The following MAGI2 variants were observed in gnomAD, a reference collection of about 807,000 sequenced individuals.
MAGI2 encodes membrane-associated guanylate kinase, WW and PDZ domain-containing protein 2.
A neutral mutation model predicts 133.3 loss-of-function variants in MAGI2; 35 were observed. The observed-to-expected ratio is 0.26, with a 90% CI of 0.20 to 0.35. The LOEUF is 0.35. MAGI2 is among the 10% of genes least tolerant of loss of function. The pLI, the probability that MAGI2 is intolerant of heterozygous loss-of-function variation, is 1.00. For missense variants in MAGI2, 1,636 were observed against 1,863.4 expected (o/e 0.88, Z 2.25); for synonymous variants, 729 against 710.6 (o/e 1.03, Z -0.41).
intron 1 of MAGI2, among the ~76,000 whole-genome samples, chr7:79,387,707 T>C (rs1202462521): frequency 6.6e-6 from 1 of 152,062 alleles, no homozygotes; most frequent in Non-Finnish European, 1.5e-5. Flanking sequence ...CTCACCTATA[T>C]AAGCATTTAA....
intron 21 of MAGI2, among the ~76,000 whole-genome samples, chr7:78,045,152 C>T (rs562207930): frequency 1.9e-4 from 29 of 151,876 alleles, no homozygotes; most frequent in Non-Finnish European, 2.8e-4. Context: ...GGCGATAGAG[C>T]GAGACTTGGT....
chr7:78,602,567 A>G (rs1805320303), intron 3 of MAGI2, among the ~76,000 whole-genome samples: 1 of 152,192 alleles, frequency 6.6e-6, no homozygotes, highest in Non-Finnish European at 1.5e-5. Context: ...TGAGGTAGAA[A>G]TGCTATGTTC....
chr7:78,404,436 A>T (rs997048130), intron 6 of MAGI2, among the ~76,000 whole-genome samples: 31 of 152,168 alleles, frequency 2.0e-4, no homozygotes, highest in Non-Finnish European at 4.1e-4. Flanking sequence ...AGGCAACAGT[A>T]ACCAAAACAG....
chr7:78,138,108 T>C (rs975943732), intron 16 of MAGI2, among the ~76,000 whole-genome samples: 1 of 152,228 alleles, frequency 6.6e-6, no homozygotes, highest in Non-Finnish European at 1.5e-5. Context: ...TCAGATTTCA[T>C]AGCCTTTGCT....
At chr7:78,483,364 C>T (rs1490473038) in intron 6 of MAGI2, among the ~76,000 whole-genome samples, 1 of 151,746 alleles carries the variant, frequency 6.6e-6, no homozygotes, top group Non-Finnish European at 1.5e-5. Context: ...AACTAAGAAA[C>T]AAAGTAGGAC....
intron 1 of MAGI2, among the ~76,000 whole-genome samples, chr7:79,446,193 C>T (rs1264304274): frequency 6.6e-6 from 1 of 152,114 alleles, no homozygotes; most frequent in Non-Finnish European, 1.5e-5. Flanking sequence ...GGAGGGATAG[C>T]ATTAGCAGAT....
In MAGI2 at chr7:78,160,176, G is replaced by A. The variant is rs138451678; in HGVS notation, c.2694C>T (p.His898=). Residue 898 remains histidine, a synonymous_variant, in exon 16 of 22, where the codon CAC becomes CAT. Transcript: ENST00000354212. ...SDYATYTNSN[H]AAPSSNASPP... Reference sequence around the variant, plus strand: ...GAGAGGCATTGCTACTGGGGGCAGCGTGGTTGCTGTTGGTGTAGGTTGCGT... The same window carrying A: ...GAGAGGCATTGCTACTGGGGGCAGCATGGTTGCTGTTGGTGTAGGTTGCGT... 5.4e-5 allele frequency: 87 copies of A among 1,612,764 alleles called. No individual in the cohort carries two copies. Among genetic ancestry groups the A allele is most frequent in the Middle Eastern group, 3.3e-4 (2 of 6,084 alleles).
At chr7:78,740,159 TAA>T (rs1211881071) in intron 2 of MAGI2, among the ~76,000 whole-genome samples, 4 of 138,666 alleles carry the variant, frequency 2.9e-5, no homozygotes, top group African/African-American at 1.1e-4. Flanking sequence ...AGACTCTGTC[TAA>T]AAAAAAAAAA....
rs543885503 is a variant in MAGI2, at chr7:78,999,106, A to G, written c.418+7984T>C. 2.6e-5 allele frequency among the ~76,000 whole-genome samples: 4 copies of G among 152,230 alleles called. No homozygotes were observed. The South Asian group carries it at 8.3e-4, about 32-fold the overall frequency. The stretch of plus-strand genomic sequence containing the variant: ...AAGGGTGTATATTTCACCTGCGTTT[A>G]TGATCAATAGCCCACAAACCAATTT... On this transcript the variant is annotated intron_variant, in intron 2 of 21. Transcript: ENST00000354212.
intron 1 of MAGI2, among the ~76,000 whole-genome samples, chr7:79,269,805 T>A (rs1390319657): frequency 6.6e-6 from 1 of 152,176 alleles, no homozygotes; most frequent in Non-Finnish European, 1.5e-5. Context: ...ATAATAGCCC[T>A]TCTTTAAAAA....
intron 6 of MAGI2, among the ~76,000 whole-genome samples, chr7:78,489,327 G>A (rs1793369096): frequency 6.6e-6 from 1 of 152,066 alleles, no homozygotes; most frequent in African/African-American, 2.4e-5. Context: ...AGGAAAGCAT[G>A]TCTTTATATT....
At chr7:78,592,826 CTCTTTTTTTTTTTTT>C (rs1387432996) in intron 3 of MAGI2, among the ~76,000 whole-genome samples, 1 of 77,022 alleles carries the variant, frequency 1.3e-5, no homozygotes, top group Non-Finnish European at 2.6e-5. Context: ...ATTACTGATT[CTCTTTTTTTTTTTTT>C]TTTTTTTTTT....
intron 3 of MAGI2, among the ~76,000 whole-genome samples, chr7:78,545,034 A>C (rs1030062632): frequency 1.3e-5 from 2 of 151,148 alleles, no homozygotes; most frequent in Non-Finnish European, 2.9e-5. Flanking sequence ...CTGCCTGCCT[A>C]TTCATTGTCT....
In MAGI2 at chr7:78,308,229, T is replaced by C. The variant is rs1798401868; in HGVS notation, c.1408+35549A>G. Among the ~76,000 whole-genome samples the C allele has an allele frequency of 2.6e-5, 4 of 152,288 alleles. No individual in the cohort carries two copies. In the South Asian group the frequency reaches 6.2e-4, roughly 24 times the overall value. ...CTAAAACTTCTTTGAGAAGACAGCA[T>C]CTGGGTTGAGTCTCTGTGATTTAGG... is the stretch of plus-strand genomic sequence containing the variant. On this transcript the variant is annotated intron_variant, in intron 9 of 21. Coordinates refer to ENST00000354212, the MANE Select transcript of MAGI2 (RefSeq NM_012301.4).
At chr7:79,136,097 G>GAAAGAA (rs1821517185) in intron 1 of MAGI2, among the ~76,000 whole-genome samples, 8 of 150,562 alleles carry the variant, frequency 5.3e-5, no homozygotes, top group African/African-American at 2.0e-4. Flanking sequence ...AAGAAAGAAA[G>GAAAGAA]AAAGAAAGAA....
rs189954879 is a variant in MAGI2, at chr7:78,521,698, C to G, written c.539-53G>C. On this transcript the variant is annotated intron_variant, in intron 3 of 21. Transcript: ENST00000354212. ...AGTTAAATATTTCTTCTACCATGTA[C>G]ATAATTTGTGAAGAATGGAAATTAT... is the stretch of plus-strand genomic sequence containing the variant. The G allele has an allele frequency of 4.0e-6, 6 of 1,484,538 alleles. No homozygotes were observed. The Admixed American group carries it at 8.6e-5, about 21-fold the overall frequency. 92.0% of individuals were successfully genotyped at this position (1,484,538 alleles called of 1,614,324 possible).
intron 9 of MAGI2, among the ~76,000 whole-genome samples, chr7:78,316,923 A>AT (rs1302307008): frequency 1.3e-5 from 2 of 152,070 alleles, no homozygotes; most frequent in East Asian, 3.9e-4. Context: ...GTAAATTAAT[A>AT]TTTTCCCTAC....
chr7:78,203,080 C>T (rs574157326), intron 10 of MAGI2, among the ~76,000 whole-genome samples: 2 of 152,278 alleles, frequency 1.3e-5, no homozygotes, highest in East Asian at 3.9e-4. Context: ...AATTTATTTG[C>T]TGTTTTACGG....
intron 1 of MAGI2, among the ~76,000 whole-genome samples, chr7:79,160,139 C>T (rs952312242): frequency 1.3e-5 from 2 of 151,966 alleles, no homozygotes; most frequent in African/African-American, 4.8e-5. Flanking sequence ...CCATCCCCCA[C>T]CACTGGAAAT....
Sources: allele counts gnomAD v4.1 joint callset (sites outside exome capture counted in the v4.1 genomes callset), GRCh38; gene constraint gnomAD v4.1.1; transcripts MANE v1.5; gene names NCBI Gene and HGNC (gene_info 2026-07-23, HGNC 2026-07-21).